The following MTMR9 variants were observed in gnomAD, a reference collection of about 807,000 sequenced individuals.
MTMR9 encodes the protein myotubularin-related protein 9.
A neutral mutation model predicts 69.5 loss-of-function variants in MTMR9; 39 were observed. The observed-to-expected ratio is 0.56, with a 90% CI of 0.43 to 0.73. MTMR9 has a LOEUF of 0.73. MTMR9 is among the 30% of genes least tolerant of loss of function. The probability of loss-of-function intolerance (pLI) is 0.00; values close to 1 mark genes in which losing one functional copy is unlikely to be tolerated. For missense variants in MTMR9, 900 were observed against 671.2 expected, an observed-to-expected ratio of 1.34 and a Z score of -3.77; for synonymous variants, 354 against 240.8, an observed-to-expected ratio of 1.47 and a Z score of -4.35.
At chr8:11,298,190 C>T (rs7013839) in intron 2 of MTMR9, among the ~76,000 whole-genome samples, 1,557 of 152,160 alleles carry the variant, frequency 0.01, 20 homozygotes, top group African/African-American at 0.035. Flanking sequence ...AAGGAAAAGA[C>T]CTCTTTCTAG....
At chr8:11,291,125 G>C (rs1799367869) in intron 1 of MTMR9, among the ~76,000 whole-genome samples, 1 of 151,998 alleles carries the variant, frequency 6.6e-6, no homozygotes, top group Non-Finnish European at 1.5e-5. Context: ...CTATTAACTA[G>C]ACCACAGACT....
intron 1 of MTMR9, among the ~76,000 whole-genome samples, chr8:11,286,894 G>T (rs529567383): frequency 6.6e-6 from 1 of 152,170 alleles, no homozygotes; most frequent in East Asian, 1.9e-4. Context: ...TGTCATCTGT[G>T]TATTTTATTG....
the MTMR9 span, among the ~76,000 whole-genome samples, chr8:11,338,085 G>C: frequency 4.6e-5 from 7 of 152,246 alleles, no homozygotes; most frequent in East Asian, 1.2e-3. Flanking sequence ...GATTGGGAAA[G>C]GAGGAGCAAT....
At chr8:11,311,385 C>G (rs777479989) in intron 6 of MTMR9, among the ~76,000 whole-genome samples, 6 of 152,182 alleles carry the variant, frequency 3.9e-5, no homozygotes, top group Non-Finnish European at 8.8e-5. Context: ...GGATATTACA[C>G]ACAGGCACAC....
At chr8:11,297,759 A>G in intron 2 of MTMR9, 1 of 399,874 alleles carries the variant, frequency 2.5e-6, no homozygotes, top group Non-Finnish European at 5.0e-6. Context: ...AAACTGACTC[A>G]TTATATAAAA....
chr8:11,308,886 C>G (rs1199510486), intron 5 of MTMR9, among the ~76,000 whole-genome samples: 1 of 152,168 alleles, frequency 6.6e-6, no homozygotes, highest in African/African-American at 2.4e-5. Flanking sequence ...CTAAGCCAAC[C>G]CTGTGGTCTC....
intron 2 of MTMR9, among the ~76,000 whole-genome samples, chr8:11,296,232 G>A (rs1017266352): frequency 2.0e-5 from 3 of 152,062 alleles, no homozygotes; most frequent in East Asian, 3.9e-4. Context: ...TGTTTTCTAC[G>A]TTTTATAAAA....
At chr8:11,299,000 C>A in intron 2 of MTMR9, 2 of 550,616 alleles carry the variant, frequency 3.6e-6, no homozygotes, top group Non-Finnish European at 2.3e-6. Context: ...AGGAAATGAA[C>A]ATTGATGGAA....
At chr8:11,338,062 C>A in the MTMR9 span, among the ~76,000 whole-genome samples, 115 of 152,332 alleles carry the variant, frequency 7.5e-4, no homozygotes, top group Non-Finnish European at 7.3e-4. Context: ...AGCATTCGGA[C>A]TTGTGGGGAA....
chr8:11,304,053 A>AT (rs58955564), intron 3 of MTMR9, among the ~76,000 whole-genome samples: 1,611 of 146,984 alleles, frequency 0.011, 34 homozygotes, highest in African/African-American at 0.036. Flanking sequence ...ATATAATTTG[A>AT]TTTTTTTTTT....
Position 11,319,850 on chromosome 8 carries a change from A to G in MTMR9, c.1486+12A>G. On this transcript the variant is annotated intron_variant, in intron 9 of 9. Transcript: ENST00000221086. Reference sequence around the variant, plus strand: ...TCCACTGTGGGAAGGTAAACCACGCATCCTTTGCAAACTTCTTAACGGTCA... The same window carrying G: ...TCCACTGTGGGAAGGTAAACCACGCGTCCTTTGCAAACTTCTTAACGGTCA... The G allele has an allele frequency of 1.2e-6, 2 of 1,613,640 alleles. No individual in the cohort carries two copies. The highest frequency in any genetic ancestry group is 1.7e-6 in the Non-Finnish European group (2 of 1,179,744).
chr8:11,313,437 C>T (rs913714734), intron 6 of MTMR9, among the ~76,000 whole-genome samples: 6 of 152,212 alleles, frequency 3.9e-5, no homozygotes, highest in African/African-American at 1.2e-4. Context: ...AGGAACTTCT[C>T]CTTTGCATTC....
chr8:11,296,579 C>T (rs938042681), intron 2 of MTMR9, among the ~76,000 whole-genome samples: 2 of 152,158 alleles, frequency 1.3e-5, no homozygotes, highest in Non-Finnish European at 2.9e-5. Context: ...ATTCTACTTT[C>T]TGTTTCTCTG....
intron 7 of MTMR9, chr8:11,315,841 CAAAT>C (rs1431812389): frequency 1.3e-5 from 2 of 152,182 alleles, no homozygotes; most frequent in Non-Finnish European, 2.9e-5. Context: ...AGTAGACAAA[CAAAT>C]GAGTATGACT....
At chr8:11,321,189 T>G (rs1341527444) in intron 9 of MTMR9, 4 of 286,490 alleles carry the variant, frequency 1.4e-5, no homozygotes, top group Admixed American at 4.2e-5. Context: ...TAGTTAGCAT[T>G]GTGGGGAAAT....
chr8:11,322,611 C>G lies in MTMR9; in HGVS notation c.1487-14C>G, dbSNP rs190842021. The G allele has an allele frequency of 6.2e-7, 1 of 1,610,734 alleles. No homozygotes were observed. Among genetic ancestry groups the G allele is most frequent in the Non-Finnish European group, 8.5e-7 (1 of 1,178,258 alleles). ...ACCTTTCTTGCTTCTGTTTTCCATT[C>G]CTGGATTCAATAGGTATTTTCCTAC... On this transcript the variant is annotated splice_polypyrimidine_tract_variant and intron_variant, in intron 9 of 9. Transcript: ENST00000221086.
intron 6 of MTMR9, 73 bp downstream of exon 6, chr8:11,309,761 G>A (rs1800119011): frequency 6.6e-7 from 1 of 1,510,766 alleles, no homozygotes; most frequent in South Asian, 1.2e-5. Context: ...CCAGACATAT[G>A]TTTATAGATT....
the MTMR9 span, among the ~76,000 whole-genome samples, chr8:11,335,735 G>A: frequency 6.6e-6 from 1 of 152,168 alleles, no homozygotes; most frequent in Non-Finnish European, 1.5e-5. Context: ...TAATTGGCCT[G>A]TAGTAGCATT....
downstream of MTMR9, among the ~76,000 whole-genome samples, chr8:11,330,299 T>A (rs1437470268): frequency 7.0e-6 from 1 of 141,978 alleles, no homozygotes; most frequent in Non-Finnish European, 1.5e-5. Context: ...AGGTGGGGGG[T>A]CAGCCCCCAC....
Sources: gnomAD v4.1 joint callset for allele counts (sites outside exome capture counted in the v4.1 genomes callset) on GRCh38, gnomAD v4.1.1 for gene constraint, MANE v1.5 for transcripts, NCBI Gene and HGNC (gene_info 2026-07-23, HGNC 2026-07-21) for gene names.